The following XRCC6 variants were observed in gnomAD, a reference collection of about 807,000 sequenced individuals.
XRCC6 encodes X-ray repair cross complementing 6, also known as DNA repair protein Ku70.
In XRCC6, 5 loss-of-function variants were observed where a neutral mutation model predicts 65.7. The observed-to-expected ratio is 0.08, with a 90% CI of 0.04 to 0.16. The LOEUF (loss-of-function observed/expected upper bound fraction) is 0.16, where lower values mean the gene tolerates loss of function less well. Ranked by LOEUF, XRCC6 falls within the 10% of genes least tolerant of loss-of-function variation. The pLI is 1.00. For missense variants in XRCC6, 447 were observed against 738.1 expected, an observed-to-expected ratio of 0.61 and a Z score of 4.57; for synonymous variants, 270 against 270.6, an observed-to-expected ratio of 1.00 and a Z score of 0.02.
intron 10 of XRCC6, among the ~76,000 whole-genome samples, chr22:41,657,737 C>G (rs530555845): frequency 2.3e-4 from 35 of 151,968 alleles, no homozygotes; most frequent in African/African-American, 8.4e-4. Context: ...CCAGGCTGGT[C>G]TGGAACTCCT....
intron 7 of XRCC6, among the ~76,000 whole-genome samples, chr22:41,649,827 C>T (rs1048895687): frequency 3.6e-5 from 5 of 137,512 alleles, no homozygotes; most frequent in East Asian, 4.5e-4. Flanking sequence ...TGGGTGACAG[C>T]GAGACTGTCT....
chr22:41,661,684 C>T (rs2068101239), intron 12 of XRCC6: 1 of 448,422 alleles, frequency 2.2e-6, no homozygotes. Flanking sequence ...TGGGAGTTTC[C>T]TCAAAAAGTG....
At chr22:41,622,112 A>G in intron 2 of XRCC6, 26 bp downstream of exon 2, 1 of 1,613,108 alleles carries the variant, frequency 6.2e-7, no homozygotes, top group Non-Finnish European at 8.5e-7. Flanking sequence ...ATGTAGTGCC[A>G]TTCGGTGTGT....
At chr22:41,649,251 C>T (rs2067971055) in intron 7 of XRCC6, among the ~76,000 whole-genome samples, 1 of 149,784 alleles carries the variant, frequency 6.7e-6, no homozygotes, top group Admixed American at 6.8e-5. Flanking sequence ...ACTGTAGCTT[C>T]AACCTCTTGG....
intron 4 of XRCC6, 34 bp from the exon 5 acceptor site, chr22:41,636,482 T>G (rs960718517): frequency 6.2e-7 from 1 of 1,607,338 alleles, no homozygotes; most frequent in African/African-American, 1.3e-5. Context: ...TTCTTCTGAT[T>G]TTTCTTTCCA....
intron 3 of XRCC6, among the ~76,000 whole-genome samples, chr22:41,634,188 T>A (rs1164862625): frequency 6.8e-6 from 1 of 146,402 alleles, no homozygotes; most frequent in African/African-American, 2.5e-5. Context: ...AAAACTTAAT[T>A]TTTTTTTTTT....
chr22:41,630,853 T>C (rs2067734902), intron 3 of XRCC6, among the ~76,000 whole-genome samples: 2 of 152,286 alleles, frequency 1.3e-5, no homozygotes, highest in Non-Finnish European at 2.9e-5. Context: ...AAGTCTCCCA[T>C]GTCTACTTTT....
chr22:41,644,687 C>T (rs1353346641), intron 6 of XRCC6, among the ~76,000 whole-genome samples: 2 of 151,876 alleles, frequency 1.3e-5, no homozygotes, highest in African/African-American at 4.8e-5. Flanking sequence ...TGGGGTTTCA[C>T]CGTGTTGCCC....
At chr22:41,625,761 C>G (rs1374574397) in intron 2 of XRCC6, among the ~76,000 whole-genome samples, 4 of 152,154 alleles carry the variant, frequency 2.6e-5, no homozygotes, top group Non-Finnish European at 5.9e-5. Flanking sequence ...CCCAGAAGTT[C>G]AAGGCTGCAG....
chr22:41,653,393 G>A, intron 8 of XRCC6, 136 bp from the exon 9 acceptor site: 2 of 835,444 alleles, frequency 2.4e-6, no homozygotes, highest in South Asian at 4.5e-5. Context: ...GACAGAGCGA[G>A]ACCCCGTCTC....
chr22:41,628,815 A>T (rs913114436), intron 3 of XRCC6, among the ~76,000 whole-genome samples: 6 of 151,600 alleles, frequency 4.0e-5, no homozygotes, highest in Admixed American at 2.0e-4. Context: ...ATGCAAAAAT[A>T]ATTAGCCAGG....
chr22:41,623,086 G>A (rs940888370), intron 2 of XRCC6, among the ~76,000 whole-genome samples: 3 of 151,950 alleles, frequency 2.0e-5, no homozygotes, highest in Admixed American at 2.0e-4. Context: ...ATTTCCTAAT[G>A]AAATATATAT....
Position 41,661,375 on chromosome 22 carries a change from G to A in XRCC6, c.1567G>A (p.Asp523Asn). ...AMNKRLGSLVDEFKELVYPPD... is the reference protein window; with the variant it reads ...AMNKRLGSLVNEFKELVYPPD... ...GAATAAAAGACTGGGCTCCTTGGTG[G>A]ATGAGTTTAAGGAGCTTGTTTACCC... The change falls in exon 12 of 13, where the codon GAT becomes AAT. Residue 523 changes from aspartate to asparagine, a missense_variant. Asp to Asn is a conservative substitution (Grantham distance 23, BLOSUM62 1). Coordinates refer to ENST00000360079, the MANE Select transcript of XRCC6 (RefSeq NM_001469.5). 6.2e-7 allele frequency: 1 copy of A among 1,614,074 alleles called. No homozygotes were observed. Among genetic ancestry groups the A allele is most frequent in the East Asian group, 2.2e-5 (1 of 44,878 alleles).
At position 41,650,819 on chromosome 22, in the gene XRCC6, T is replaced by C; in HGVS notation, c.1057T>C (p.Leu353=). 1.9e-6 allele frequency: 3 copies of C among 1,614,000 alleles called. No individual in the cohort carries two copies. The highest frequency in any genetic ancestry group is 2.5e-6 in the Non-Finnish European group (3 of 1,179,908). The change falls in exon 8 of 13, where the codon TTG becomes CTG. Residue 353 remains leucine, a synonymous_variant. Transcript: ENST00000360079. The part of the protein sequence containing the change: ...PGLMLMGFKP[L]VLLKKHHYLR... The stretch of plus-strand genomic sequence containing the variant: ...TTTGATGCTCATGGGTTTCAAGCCG[T>C]TGGTACTGCTGAAGAAACACCATTA...
At chr22:41,645,053 C>G (rs1371702216) in intron 6 of XRCC6, among the ~76,000 whole-genome samples, 1 of 151,822 alleles carries the variant, frequency 6.6e-6, no homozygotes, top group Non-Finnish European at 1.5e-5. Flanking sequence ...GTAATCCCAG[C>G]ACTTTGGGAG....
In XRCC6 at chr22:41,636,758, C is replaced by A. The variant is rs1350598621; in HGVS notation, c.577C>A (p.Leu193Ile). The change falls in exon 5 of 13, where the codon CTC (leucine) becomes ATC (isoleucine). Residue 193 changes from leucine (L) to isoleucine (I), a missense_variant. Leu to Ile is a conservative substitution (Grantham distance 5). Transcript: ENST00000360079. ...CCGGGCCAGGACCAAAGCCGGTGAT[C>A]TCCGAGATACAGGTGGGCATATTTC... ...ASRARTKAGD[L>I]RDTGIFLDLM... is the part of the protein sequence containing the mutation. 13 of 1,614,006 alleles carry A rather than the reference C, an allele frequency of 8.1e-6. 1 individual carries two copies. In the South Asian group the frequency reaches 1.4e-4, roughly 18 times the overall value.
intron 12 of XRCC6, among the ~76,000 whole-genome samples, chr22:41,663,266 G>A (rs1186771999): frequency 6.6e-6 from 1 of 152,020 alleles, no homozygotes. Flanking sequence ...CACCATGGCC[G>A]GTTGATTTTA....
At chr22:41,656,794 G>A (rs2068048908) in intron 9 of XRCC6, 109 bp from the exon 10 acceptor site, 1 of 1,501,750 alleles carries the variant, frequency 6.7e-7, no homozygotes, top group Non-Finnish European at 9.0e-7. Context: ...GGGGCCTACG[G>A]GGCCCCAGCC....
In XRCC6 at chr22:41,653,626, T is replaced by C; in HGVS notation, c.1227T>C (p.Tyr409=). The C allele has an allele frequency of 1.2e-6, 2 of 1,614,092 alleles. No individual in the cohort carries two copies. Among genetic ancestry groups the C allele is most frequent in the Non-Finnish European group, 1.7e-6 (2 of 1,180,000 alleles). The change falls in exon 9 of 13, where the codon TAT becomes TAC. Residue 409 remains tyrosine, a synonymous_variant. Transcript: ENST00000360079. ...CACCCCGCAGGAACATCCCTCCTTA[T>C]TTTGTGGCTTTGGTGCCACAGGAAG... The part of the protein sequence containing the change: ...RYTPRRNIPP[Y]FVALVPQEEE...
Sources: gnomAD v4.1 joint callset for allele counts (sites outside exome capture counted in the v4.1 genomes callset) on GRCh38, gnomAD v4.1.1 for gene constraint, MANE v1.5 for transcripts, NCBI Gene and HGNC (gene_info 2026-07-23, HGNC 2026-07-21) for gene names.